The following IFNAR1 variants were observed in gnomAD, a reference collection of about 807,000 sequenced individuals.
IFNAR1 encodes interferon alpha/beta receptor 1.
Under a neutral mutation model 62.1 loss-of-function variants are expected in IFNAR1, and 47 were observed. That is an observed-to-expected ratio of 0.76 (90% CI 0.60 to 0.97). The LOEUF is 0.97. Ranked by LOEUF, IFNAR1 falls within the 50% of genes least tolerant of loss-of-function variation. The pLI is 0.00. For missense variants in IFNAR1, 638 were observed against 654.5 expected, an observed-to-expected ratio of 0.97 and a Z score of 0.27; for synonymous variants, 219 against 226.9, an observed-to-expected ratio of 0.97 and a Z score of 0.31.
chr21:33,333,033 A>G (rs1247719036), intron 1 of IFNAR1, among the ~76,000 whole-genome samples: 1 of 152,222 alleles, frequency 6.6e-6, no homozygotes, highest in Admixed American at 6.5e-5. Context: ...TTAACCCAAA[A>G]AGGTTCTCTC....
chr21:33,326,187 A>C (rs1266497207), intron 1 of IFNAR1, among the ~76,000 whole-genome samples: 1 of 151,300 alleles, frequency 6.6e-6, no homozygotes, highest in African/African-American at 2.4e-5. Flanking sequence ...ACTGTCCAAA[A>C]TATGGGAAGA....
intron 1 of IFNAR1, among the ~76,000 whole-genome samples, chr21:33,332,676 TG>T (rs1299143456): frequency 6.6e-6 from 1 of 151,918 alleles, no homozygotes; most frequent in African/African-American, 2.4e-5. Flanking sequence ...TAAAACATGA[TG>T]AAAAACAACC....
chr21:33,339,492 C>T (rs17643419), intron 2 of IFNAR1, among the ~76,000 whole-genome samples: 6,741 of 152,230 alleles, frequency 0.044, 253 homozygotes, highest in South Asian at 0.15. Context: ...TCTAAATCGT[C>T]TTTAAAATGG....
At chr21:33,341,237 C>T in intron 3 of IFNAR1, 63 bp downstream of exon 3, 2 of 1,296,558 alleles carry the variant, frequency 1.5e-6, no homozygotes, top group East Asian at 4.7e-5. Flanking sequence ...AGTTCACTTT[C>T]CAAGCCATTC....
intron 1 of IFNAR1, among the ~76,000 whole-genome samples, chr21:33,331,598 C>G (rs914520358): frequency 3.3e-5 from 5 of 152,144 alleles, no homozygotes; most frequent in African/African-American, 1.2e-4. Context: ...TTCCCTACCC[C>G]CCATTCCCAG....
Position 33,324,984 on chromosome 21 carries a change from CG to C in IFNAR1, c.-68del. 1 of 1,386,892 alleles carries C rather than the reference CG, an allele frequency of 7.2e-7. No homozygotes were observed. The allele number at this position is 1,386,892 out of a possible 1,614,324, so 85.9% of individuals were successfully genotyped here. On this transcript the variant is annotated 5_prime_UTR_variant, in exon 1 of 11. Transcript: ENST00000270139. Reference sequence around the variant, plus strand: ...TGCAGAGGGGCGGTGTGACTTAGGACGGGGCGATGGCGGCTGAGAGGAGCTG... The same window carrying C: ...TGCAGAGGGGCGGTGTGACTTAGGACGGGCGATGGCGGCTGAGAGGAGCTG...
intron 1 of IFNAR1, 62 bp downstream of exon 1, chr21:33,325,193 G>C (rs2083114584): frequency 7.0e-7 from 1 of 1,419,142 alleles, no homozygotes; most frequent in South Asian, 1.2e-5. Context: ...GCTGGGCTAC[G>C]GGGGCGGCGA....
intron 3 of IFNAR1, among the ~76,000 whole-genome samples, chr21:33,342,688 C>A (rs1365075249): frequency 4.5e-3 from 415 of 93,088 alleles, no homozygotes; most frequent in Middle Eastern, 5.7e-3. Flanking sequence ...ACTAAAAATA[C>A]AAAAAAAAAA....
chr21:33,348,809 A>G (rs562917737), intron 6 of IFNAR1, among the ~76,000 whole-genome samples: 1 of 152,158 alleles, frequency 6.6e-6, no homozygotes, highest in Non-Finnish European at 1.5e-5. Context: ...TCTCAAAAAA[A>G]AAGCCAAAAA....
At chr21:33,337,986 T>C (rs1282249481) in intron 2 of IFNAR1, among the ~76,000 whole-genome samples, 2 of 152,164 alleles carry the variant, frequency 1.3e-5, no homozygotes, top group East Asian at 3.8e-4. Flanking sequence ...TTAATGTTAC[T>C]TGTATAAAGA....
intron 1 of IFNAR1, 41 bp downstream of exon 1, chr21:33,325,172 T>C (rs1376204253): frequency 1.3e-6 from 2 of 1,555,788 alleles, no homozygotes; most frequent in African/African-American, 2.7e-5. Flanking sequence ...GGGCGGGAGG[T>C]AGGGCACGCA....
chr21:33,349,476 C>T lies in IFNAR1; in HGVS notation c.1076C>T (p.Thr359Met), dbSNP rs17875834. 15,157 of 1,610,240 alleles carry T rather than the reference C, an allele frequency of 9.4e-3. 1,153 individuals are homozygous for T. In the African/African-American group the frequency reaches 0.17, roughly 18 times the overall value. Residue 359 changes from threonine to methionine, a missense_variant, in exon 8 of 11, where the codon ACG becomes ATG. Thr to Met is a moderately conservative substitution (Grantham distance 81). Transcript: ENST00000270139. ...GGTGCTCCAAAACAGTCTGGAAACACGCCTGTGATCCAGGATTATCCACTG... is the reference window on the plus strand; with the variant it reads ...GGTGCTCCAAAACAGTCTGGAAACATGCCTGTGATCCAGGATTATCCACTG... ...YIGAPKQSGN[T>M]PVIQDYPLIY...
chr21:33,330,472 C>A (rs1229534093), intron 1 of IFNAR1, among the ~76,000 whole-genome samples: 1 of 152,014 alleles, frequency 6.6e-6, no homozygotes, highest in Non-Finnish European at 1.5e-5. Context: ...CAGGAGAGAC[C>A]TTAAGTTTAT....
chr21:33,354,497 T>C (rs189229688), intron 10 of IFNAR1, among the ~76,000 whole-genome samples: 4 of 152,356 alleles, frequency 2.6e-5, no homozygotes, highest in Admixed American at 2.0e-4. Flanking sequence ...TCTATCAGCG[T>C]AGAAAGTATA....
Position 33,349,134 on chromosome 21 carries a change from A to G in IFNAR1, c.832A>G (p.Lys278Glu). The change falls in exon 7 of 11, where the codon AAA (lysine) becomes GAA (glutamate). Residue 278 changes from lysine to glutamate, a missense_variant. Transcript: ENST00000270139. ...RNPGNHLYKW[K>E]QIPDCENVKT... ...TCCTGGAAACCATTTGTATAAATGG[A>G]AACAAATACCTGACTGTGAAAATGT... 6.2e-7 allele frequency: 1 copy of G among 1,611,422 alleles called. No individual in the cohort carries two copies. Among genetic ancestry groups the G allele is most frequent in the Non-Finnish European group, 8.5e-7 (1 of 1,178,688 alleles).
intron 2 of IFNAR1, among the ~76,000 whole-genome samples, chr21:33,337,774 C>T (rs1304478728): frequency 1.4e-5 from 2 of 146,508 alleles, no homozygotes; most frequent in Non-Finnish European, 3.0e-5. Flanking sequence ...TACATATACA[C>T]ACTGTATATG....
chr21:33,327,430 C>T (rs371311341), intron 1 of IFNAR1, among the ~76,000 whole-genome samples: 3 of 152,218 alleles, frequency 2.0e-5, no homozygotes, highest in African/African-American at 4.8e-5. Flanking sequence ...TACTGTTATG[C>T]TTAGTTAACA....
rs139926239 is a variant in IFNAR1, at chr21:33,350,468, G to T, written c.1143+925G>T. Among the ~76,000 whole-genome samples, 720 of 152,070 alleles carry T rather than the reference G, an allele frequency of 4.7e-3. 8 individuals carry two copies. The highest frequency in any genetic ancestry group is 0.017 in the African/African-American group (694 of 41,464). On this transcript the variant is annotated intron_variant, in intron 8 of 10. Transcript: ENST00000270139. Reference sequence around the variant, plus strand: ...CCTTAGTATTTAATTTTATGATGGGGGAAGGATTAGGAAAAAATTGCCCAA... The same window carrying T: ...CCTTAGTATTTAATTTTATGATGGGTGAAGGATTAGGAAAAAATTGCCCAA...
At chr21:33,325,210 T>G in intron 1 of IFNAR1, 79 bp downstream of exon 1, 2 of 1,257,252 alleles carry the variant, frequency 1.6e-6, no homozygotes, top group Non-Finnish European at 2.3e-6. Flanking sequence ...GCGATGCTGT[T>G]GGGGGCGACA....
Sources: gnomAD v4.1 joint callset for allele counts (sites outside exome capture counted in the v4.1 genomes callset) on GRCh38, gnomAD v4.1.1 for gene constraint, MANE v1.5 for transcripts, NCBI Gene and HGNC (gene_info 2026-07-23, HGNC 2026-07-21) for gene names.